The following CMSS1 variants were observed in gnomAD, a reference collection of about 807,000 sequenced individuals.
CMSS1 encodes protein CMSS1.
Under a neutral mutation model 43.5 loss-of-function variants are expected in CMSS1, and 33 were observed. The observed-to-expected ratio is 0.76, with a 90% CI of 0.57 to 1.01. The LOEUF (loss-of-function observed/expected upper bound fraction) is 1.01. CMSS1 is among the 50% of genes least tolerant of loss of function. CMSS1 has a pLI of 0.00. For synonymous variants in CMSS1, 115 were observed against 117.2 expected, an observed-to-expected ratio of 0.98 and a Z score of 0.12; for missense variants, 313 against 326.4, an observed-to-expected ratio of 0.96 and a Z score of 0.32.
At chr3:99,891,324 T>C (rs899639354) in intron 1 of CMSS1, among the ~76,000 whole-genome samples, 3 of 152,204 alleles carry the variant, frequency 2.0e-5, no homozygotes, top group African/African-American at 7.2e-5. Context: ...GGGAGGACCC[T>C]GGGCTTTGTA....
chr3:99,845,996 GAAC>G (rs1180391637), intron 1 of CMSS1, among the ~76,000 whole-genome samples: 1 of 152,148 alleles, frequency 6.6e-6, no homozygotes. Flanking sequence ...TATCATAATA[GAAC>G]ACAAGACTTA....
At chr3:99,947,391 G>A (rs1366547231) in intron 1 of CMSS1, among the ~76,000 whole-genome samples, 6 of 152,092 alleles carry the variant, frequency 3.9e-5, no homozygotes, top group Non-Finnish European at 8.8e-5. Context: ...ATTGTATGGA[G>A]GTGCCATTAT....
intron 1 of CMSS1, chr3:100,114,235 A>T (rs2066535922): frequency 6.6e-6 from 1 of 151,460 alleles, no homozygotes; most frequent in African/African-American, 2.4e-5. Flanking sequence ...GGCCAGTGAT[A>T]GCTCTGCAAA....
At chr3:99,961,433 C>T (rs997894425) in intron 1 of CMSS1, among the ~76,000 whole-genome samples, 2 of 152,122 alleles carry the variant, frequency 1.3e-5, no homozygotes, top group Non-Finnish European at 2.9e-5. Context: ...TATATGCATA[C>T]CCAGGAGCCC....
intron 2 of CMSS1, among the ~76,000 whole-genome samples, chr3:100,148,970 G>T (rs749560935): frequency 4.0e-5 from 6 of 151,872 alleles, no homozygotes; most frequent in African/African-American, 7.3e-5. Context: ...CTCAAGGTGG[G>T]GTTTAATTTT....
rs1310479173 is a variant in CMSS1, at chr3:100,068,748, C to T, written c.65-78225C>T. Among the ~76,000 whole-genome samples, 4 of 152,206 alleles carry T rather than the reference C, an allele frequency of 2.6e-5. No homozygotes were observed. The East Asian group carries it at 7.7e-4, about 29-fold the overall frequency. ...GTTCAAGCGATTTTCCTGCCTCAGC[C>T]TCCCAAGTAGCTGGGAATACAGGCG... On this transcript the variant is annotated intron_variant, in intron 1 of 9. Coordinates refer to ENST00000421999, the MANE Select transcript of CMSS1 (RefSeq NM_032359.4).
At chr3:100,109,161 G>GT (rs2066444247) in intron 1 of CMSS1, among the ~76,000 whole-genome samples, 1 of 151,202 alleles carries the variant, frequency 6.6e-6, no homozygotes, top group African/African-American at 2.4e-5. Context: ...AATCAAGGTG[G>GT]TTGGACTCTA....
chr3:100,096,626 G>C (rs959702773), intron 1 of CMSS1, among the ~76,000 whole-genome samples: 126 of 152,062 alleles, frequency 8.3e-4, no homozygotes, highest in African/African-American at 2.9e-3. Flanking sequence ...AGAGTAGTAG[G>C]GGGTGGGGAG....
At chr3:99,971,399 G>T (rs1414723624) in intron 1 of CMSS1, among the ~76,000 whole-genome samples, 1 of 151,672 alleles carries the variant, frequency 6.6e-6, no homozygotes, top group Non-Finnish European at 1.5e-5. Context: ...CACAAGGAAA[G>T]AAGTCCATTT....
intron 1 of CMSS1, among the ~76,000 whole-genome samples, chr3:99,865,439 C>G (rs1295682943): frequency 1.3e-5 from 2 of 152,200 alleles, no homozygotes; most frequent in Non-Finnish European, 2.9e-5. Context: ...ATCACCACCA[C>G]TAGCAATTCA....
At chr3:99,908,357 T>C (rs1305701978) in intron 1 of CMSS1, among the ~76,000 whole-genome samples, 1 of 152,256 alleles carries the variant, frequency 6.6e-6, no homozygotes, top group Middle Eastern at 3.2e-3. Flanking sequence ...TTCACTCGTG[T>C]TCTCTTGGCA....
chr3:99,983,381 AATAAATAAATAT>A (rs1373964719), intron 1 of CMSS1, among the ~76,000 whole-genome samples: 3 of 30,026 alleles, frequency 1.0e-4, no homozygotes, highest in African/African-American at 2.8e-4. Flanking sequence ...TTAAAAAATA[AATAAATAAATAT>A]ATATATATAT....
chr3:99,829,201 C>G (rs1229160386), intron 1 of CMSS1, among the ~76,000 whole-genome samples: 2 of 150,718 alleles, frequency 1.3e-5, no homozygotes, highest in African/African-American at 4.9e-5. Context: ...TGAAGGATCA[C>G]AAAAAATGTT....
At position 99,897,828 on chromosome 3, in the gene CMSS1, T is replaced by C. The variant is rs539840015; in HGVS notation, c.64+79785T>C. Among the ~76,000 whole-genome samples the C allele has an allele frequency of 5.1e-4, 77 of 152,338 alleles. 1 individual carries two copies. Among genetic ancestry groups the C allele is most frequent in the Middle Eastern group, 3.4e-3 (1 of 294 alleles). ...TAAGAGAACTCCACTACAGAGAATC[T>C]CCTATAGTGTGTCAAAGCTTTCTGC... On this transcript the variant is annotated intron_variant, in intron 1 of 9. Coordinates refer to ENST00000421999, the MANE Select transcript of CMSS1 (RefSeq NM_032359.4).
rs1003390922 is a variant in CMSS1, at chr3:100,147,269, T to C, written c.153+208T>C. 3.4e-5 allele frequency among the ~76,000 whole-genome samples: 5 copies of C among 145,646 alleles called. 1 individual carries two copies. Among genetic ancestry groups the C allele is most frequent in the South Asian group, 4.5e-4 (2 of 4,462 alleles). On this transcript the variant is annotated intron_variant, in intron 2 of 9. Transcript: ENST00000421999. ...TTTTTTGCCCTAATTCTTTTTCTTT[T>C]TTTTTTTTTTTTTTTTTTTGAGACA...
chr3:100,003,377 G>A (rs114434352), intron 1 of CMSS1, among the ~76,000 whole-genome samples: 165 of 152,254 alleles, frequency 1.1e-3, no homozygotes, highest in Non-Finnish European at 1.9e-3. Flanking sequence ...CTTCCCTTAC[G>A]TGGTTGTTTT....
At chr3:100,082,800 T>C (rs1025231577) in intron 1 of CMSS1, among the ~76,000 whole-genome samples, 3 of 152,210 alleles carry the variant, frequency 2.0e-5, no homozygotes, top group Non-Finnish European at 2.9e-5. Flanking sequence ...TTTTTCAGCA[T>C]GGTAGTCATA....
intron 1 of CMSS1, among the ~76,000 whole-genome samples, chr3:99,928,137 T>C (rs1220991383): frequency 6.6e-6 from 1 of 152,252 alleles, no homozygotes; most frequent in Non-Finnish European, 1.5e-5. Context: ...GTAATTAGGA[T>C]ACAGTCACAG....
intron 1 of CMSS1, among the ~76,000 whole-genome samples, chr3:100,123,474 C>T (rs1025627250): frequency 3.3e-5 from 5 of 152,002 alleles, no homozygotes; most frequent in African/African-American, 9.7e-5. Context: ...CAGACTGCTG[C>T]GATGTTTTAA....
Sources: allele counts gnomAD v4.1 joint callset (sites outside exome capture counted in the v4.1 genomes callset), GRCh38; gene constraint gnomAD v4.1.1; transcripts MANE v1.5; gene names NCBI Gene and HGNC (gene_info 2026-07-23, HGNC 2026-07-21).